ABL1: variants seen among roughly 807,000 people sequenced by gnomAD.
ABL1 encodes the protein tyrosine-protein kinase ABL1.
ABL1 carries 11 observed loss-of-function variants against 94.7 expected under a neutral mutation model. The observed-to-expected ratio is 0.12, with a 90% CI of 0.07 to 0.19. ABL1 has a LOEUF of 0.19. Ranked by LOEUF, ABL1 falls within the 10% of genes least tolerant of loss-of-function variation. The pLI, the probability that ABL1 is intolerant of heterozygous loss-of-function variation, is 1.00. For synonymous variants in ABL1, 656 were observed against 622.4 expected, an observed-to-expected ratio of 1.05 and a Z score of -0.80; for missense variants, 1,082 against 1,489.4, an observed-to-expected ratio of 0.73 and a Z score of 4.50.
At chr9:130,749,028 G>GTA (rs1831922680) in intron 1 of ABL1, among the ~76,000 whole-genome samples, 1 of 152,188 alleles carries the variant, frequency 6.6e-6, no homozygotes, top group South Asian at 2.1e-4. Flanking sequence ...CTATTAGGCT[G>GTA]TAGTTCATAC....
At chr9:130,758,898 C>T (rs1262439180) in intron 1 of ABL1, among the ~76,000 whole-genome samples, 1 of 152,118 alleles carries the variant, frequency 6.6e-6, no homozygotes, top group African/African-American at 2.4e-5. Flanking sequence ...ATGGTTTCGC[C>T]GGGATTCAGA....
At chr9:130,755,309 G>A (rs954698609) in intron 1 of ABL1, among the ~76,000 whole-genome samples, 2 of 152,114 alleles carry the variant, frequency 1.3e-5, no homozygotes, top group Non-Finnish European at 2.9e-5. Context: ...GGGGAGAGAG[G>A]TAAAAATGAT....
At chr9:130,852,276 G>A (rs923936670) in intron 1 of ABL1, among the ~76,000 whole-genome samples, 16 of 151,944 alleles carry the variant, frequency 1.1e-4, no homozygotes, top group East Asian at 5.8e-4. Flanking sequence ...TGCAACCTCC[G>A]CCTCCCAGAC....
At chr9:130,785,244 G>C (rs1038047870) in intron 1 of ABL1, among the ~76,000 whole-genome samples, 1 of 152,170 alleles carries the variant, frequency 6.6e-6, no homozygotes, top group African/African-American at 2.4e-5. Context: ...CAGTGGACTG[G>C]CGTGCAAGAT....
intron 1 of ABL1, among the ~76,000 whole-genome samples, chr9:130,849,120 C>A (rs970182026): frequency 6.6e-6 from 1 of 152,122 alleles, no homozygotes; most frequent in African/African-American, 2.4e-5. Flanking sequence ...TATTCTCAAA[C>A]TTAAATATTT....
At chr9:130,834,459 A>C (rs1236879018), upstream of ABL1, among the ~76,000 whole-genome samples, 1 of 152,190 alleles carries the variant, frequency 6.6e-6, no homozygotes, top group Admixed American at 6.5e-5. Flanking sequence ...CTGCTTTATA[A>C]CATTGTCTGT....
At chr9:130,840,886 T>C (rs1830660099) in intron 1 of ABL1, among the ~76,000 whole-genome samples, 1 of 152,208 alleles carries the variant, frequency 6.6e-6, no homozygotes, top group South Asian at 2.1e-4. Flanking sequence ...TTAACAATTA[T>C]CAGCTTATAG....
intron 2 of ABL1, 72 bp downstream of exon 2, chr9:130,854,309 C>A: frequency 6.5e-7 from 1 of 1,529,564 alleles, no homozygotes; most frequent in Non-Finnish European, 8.9e-7. Context: ...TGACCTACCA[C>A]CCTTTGCTCG....
chr9:130,735,028 T>G (rs150242755), intron 1 of ABL1, among the ~76,000 whole-genome samples: 1 of 152,068 alleles, frequency 6.6e-6, no homozygotes, highest in African/African-American at 2.4e-5. Flanking sequence ...TAAATTGAAC[T>G]TTTTTTGTTG....
chr9:130,754,208 GA>G (rs146151861), intron 1 of ABL1, among the ~76,000 whole-genome samples: 157 of 96,428 alleles, frequency 1.6e-3, no homozygotes, highest in Admixed American at 1.6e-3. Flanking sequence ...CTCTGTCTCA[GA>G]AAAAAAAAAA....
At chr9:130,774,837 A>G (rs547790627) in intron 1 of ABL1, among the ~76,000 whole-genome samples, 10 of 152,060 alleles carry the variant, frequency 6.6e-5, no homozygotes, top group African/African-American at 2.4e-4. Context: ...GTGAGACCCT[A>G]TCTCAAAAAA....
In ABL1 at chr9:130,862,767, A is replaced by G; in HGVS notation, c.554A>G (p.Tyr185Cys). The G allele has an allele frequency of 6.2e-7, 1 of 1,613,340 alleles. No homozygotes were observed. The highest frequency in any genetic ancestry group is 8.5e-7 in the Non-Finnish European group (1 of 1,179,786). The change falls in exon 4 of 11, where the codon TAC (tyrosine) becomes TGC (cysteine). Residue 185 changes from tyrosine to cysteine, a missense_variant. Coordinates refer to ENST00000318560, the MANE Select transcript of ABL1 (RefSeq NM_005157.6). The surrounding 1 kb of genome is among the most constrained non-coding windows in gnomAD (Gnocchi z 5.5). ...RINTASDGKLYVSSESRFNTL... is the reference protein window; with the variant it reads ...RINTASDGKLCVSSESRFNTL... ...GCTGTTCCCTGTTTCCTTCAGCTCT[A>G]CGTCTCCTCCGAGAGCCGCTTCAAC... is the stretch of plus-strand genomic sequence containing the variant.
At chr9:130,783,428 C>T (rs148354978) in intron 1 of ABL1, among the ~76,000 whole-genome samples, 15 of 152,192 alleles carry the variant, frequency 9.9e-5, no homozygotes, top group South Asian at 4.2e-4. Context: ...ATTCTGATAA[C>T]GGGGGACCAA....
intron 1 of ABL1, among the ~76,000 whole-genome samples, chr9:130,784,004 G>A (rs2132791007): frequency 6.6e-6 from 1 of 152,200 alleles, no homozygotes; most frequent in East Asian, 1.9e-4. Flanking sequence ...GGAAATTCAA[G>A]CAACCAAGAA....
chr9:130,723,401 C>G (rs896739998), intron 1 of ABL1, among the ~76,000 whole-genome samples: 2 of 152,100 alleles, frequency 1.3e-5, no homozygotes, highest in African/African-American at 4.8e-5. Context: ...AAAAAGTTAG[C>G]TAGGCATAAT....
exon 1 of ABL1, chr9:130,713,966 G>C (rs901724977): frequency 4.0e-6 from 1 of 246,932 alleles, no homozygotes; most frequent in African/African-American, 2.2e-5. Context: ...GAAATGACTA[G>C]CATTATTGAC....
intron 2 of ABL1, 47 bp downstream of exon 2, chr9:130,854,284 C>T (rs367919251): frequency 2.1e-4 from 327 of 1,591,194 alleles, no homozygotes; most frequent in Non-Finnish European, 2.7e-4. Flanking sequence ...AGATAGAAAT[C>T]TGGGAATTGC....
At chr9:130,717,333 G>A (rs533522669) in intron 1 of ABL1, among the ~76,000 whole-genome samples, 7 of 152,220 alleles carry the variant, frequency 4.6e-5, no homozygotes, top group African/African-American at 1.4e-4. Context: ...GTGAGCCACC[G>A]TGCCCAGCCA....
intron 1 of ABL1, among the ~76,000 whole-genome samples, chr9:130,793,696 A>T (rs1268069599): frequency 3.9e-5 from 6 of 152,096 alleles, no homozygotes. Context: ...AGGGGTCCCC[A>T]ATCCCCAGGC....
Sources: allele counts gnomAD v4.1 joint callset (sites outside exome capture counted in the v4.1 genomes callset), GRCh38; gene constraint gnomAD v4.1.1; non-coding constraint Gnocchi (gnomAD v3.1); transcripts MANE v1.5; gene names NCBI Gene and HGNC (gene_info 2026-07-23, HGNC 2026-07-21).